Variants in GALNT10 observed in about 807,000 individuals in gnomAD.
The protein encoded by GALNT10 is GalNAc transferase 10.
Under a neutral mutation model 75.0 loss-of-function variants are expected in GALNT10, and 41 were observed. The observed-to-expected ratio is 0.55, with a 90% confidence interval of 0.43 to 0.71. The LOEUF (loss-of-function observed/expected upper bound fraction) is 0.71, where lower values mean the gene tolerates loss of function less well. Ranked by LOEUF, GALNT10 falls within the 30% of genes least tolerant of loss-of-function variation. The pLI, the probability that GALNT10 is intolerant of heterozygous loss-of-function variation, is 0.00. For missense variants in GALNT10, 727 were observed against 818.5 expected (o/e 0.89, Z 1.36); for synonymous variants, 302 against 313.0 (o/e 0.96, Z 0.37).
At position 154,218,767 on chromosome 5, in the gene GALNT10, G is replaced by C. The variant is rs528245537; in HGVS notation, c.159+27742G>C. 2.0e-5 allele frequency among the ~76,000 whole-genome samples: 3 copies of C among 151,630 alleles called. No homozygotes were observed. The East Asian group carries it at 5.8e-4, about 29-fold the overall frequency. On this transcript the variant is annotated intron_variant, in intron 1 of 11. Coordinates refer to ENST00000297107, the MANE Select transcript of GALNT10 (RefSeq NM_198321.4). ...ATGGGAAGAAGTTCCTGTTCTGTAA[G>C]CCCCAAGTTTCTCCAGCAAGGAAAA...
At chr5:154,335,758 T>C (rs1275273518) in intron 4 of GALNT10, among the ~76,000 whole-genome samples, 1 of 152,146 alleles carries the variant, frequency 6.6e-6, no homozygotes, top group Non-Finnish European at 1.5e-5. Context: ...TACAGAGAGT[T>C]CCCCACTGTC....
chr5:154,191,174 A>C lies in GALNT10; in HGVS notation c.159+149A>C, dbSNP rs1467216395. ...TTCCCATTTTCCGGATGGGAAAATT[A>C]AGTCCTGTCGGGACTTGTCCAGGGT... On this transcript the variant is annotated intron_variant, in intron 1 of 11. Coordinates refer to ENST00000297107, the MANE Select transcript of GALNT10 (RefSeq NM_198321.4). The C allele has an allele frequency of 7.2e-6, 4 of 556,162 alleles. No individual in the cohort carries two copies. In the East Asian group the frequency reaches 1.4e-4, roughly 20 times the overall value. 34.5% of individuals were successfully genotyped at this position (556,162 alleles called of 1,614,324 possible). A position where few individuals can be genotyped will look rare whatever the true frequency, so the allele number is the denominator to read the frequency against.
intron 4 of GALNT10, chr5:154,338,147 T>A: frequency 1.2e-6 from 1 of 869,544 alleles, no homozygotes; most frequent in South Asian, 1.3e-5. Flanking sequence ...TCTTTGAGAA[T>A]CGCCTCTTGA....
intron 1 of GALNT10, among the ~76,000 whole-genome samples, chr5:154,206,561 A>C (rs1409678794): frequency 6.6e-6 from 1 of 152,246 alleles, no homozygotes; most frequent in Non-Finnish European, 1.5e-5. Flanking sequence ...GCAGCACCCT[A>C]GTTGTAATCA....
intron 3 of GALNT10, among the ~76,000 whole-genome samples, chr5:154,309,079 A>G (rs766222228): frequency 6.6e-6 from 1 of 152,234 alleles, no homozygotes; most frequent in Non-Finnish European, 1.5e-5. Context: ...AGAAAAAATA[A>G]TAAGAATGGG....
chr5:154,258,920 C>A (rs1235548514), intron 1 of GALNT10, among the ~76,000 whole-genome samples: 1 of 151,968 alleles, frequency 6.6e-6, no homozygotes, highest in Non-Finnish European at 1.5e-5. Flanking sequence ...AAAAAAAACT[C>A]TTAATTTGAA....
At chr5:154,255,125 T>G (rs1226051974) in intron 1 of GALNT10, among the ~76,000 whole-genome samples, 1 of 152,046 alleles carries the variant, frequency 6.6e-6, no homozygotes, top group Non-Finnish European at 1.5e-5. Context: ...GCCCCTTTAT[T>G]ACCTTCTAAT....
At chr5:154,380,388 G>C (rs1755714779) in intron 5 of GALNT10, 60 bp from the exon 6 acceptor site, 1 of 1,300,186 alleles carries the variant, frequency 7.7e-7, no homozygotes, top group African/African-American at 1.4e-5. Flanking sequence ...AGAACAGGAT[G>C]GTGCACTTAG....
intron 1 of GALNT10, among the ~76,000 whole-genome samples, chr5:154,201,261 C>T (rs569366712): frequency 2.0e-4 from 31 of 151,968 alleles, no homozygotes; most frequent in Non-Finnish European, 3.1e-4. Flanking sequence ...ACCAGTATCA[C>T]GGTGGAGGCA....
intron 1 of GALNT10, among the ~76,000 whole-genome samples, chr5:154,230,976 T>C (rs1056284923): frequency 6.6e-6 from 1 of 152,226 alleles, no homozygotes; most frequent in Non-Finnish European, 1.5e-5. Context: ...TGGCAAGGCA[T>C]ACACCAGACA....
chr5:154,213,878 A>G (rs1301663092), intron 1 of GALNT10, among the ~76,000 whole-genome samples: 1 of 152,216 alleles, frequency 6.6e-6, no homozygotes, highest in Non-Finnish European at 1.5e-5. Context: ...CCATGTGCAC[A>G]GCCTGTATTG....
At chr5:154,394,944 G>A (rs1755985617) in intron 7 of GALNT10, among the ~76,000 whole-genome samples, 1 of 152,216 alleles carries the variant, frequency 6.6e-6, no homozygotes, top group African/African-American at 2.4e-5. Flanking sequence ...CCGTCTGCTA[G>A]AAACAGGGAA....
At chr5:154,395,688 C>T (rs986417128) in intron 7 of GALNT10, among the ~76,000 whole-genome samples, 1 of 152,182 alleles carries the variant, frequency 6.6e-6, no homozygotes, top group Non-Finnish European at 1.5e-5. Context: ...ACTTTTATTT[C>T]GCCATCTACA....
intron 4 of GALNT10, among the ~76,000 whole-genome samples, chr5:154,332,282 C>T (rs750799901): frequency 1.2e-4 from 18 of 152,190 alleles, no homozygotes; most frequent in Non-Finnish European, 2.6e-4. Context: ...TCTGAGCAGG[C>T]TCCTTGTTGT....
chr5:154,265,162 T>C (rs963717358), intron 1 of GALNT10, among the ~76,000 whole-genome samples: 2 of 152,220 alleles, frequency 1.3e-5, no homozygotes, highest in African/African-American at 4.8e-5. Context: ...GGAATGGATG[T>C]AGGGAGCCTT....
intron 6 of GALNT10, among the ~76,000 whole-genome samples, chr5:154,385,139 G>T (rs1019613810): frequency 2.0e-5 from 3 of 152,124 alleles, no homozygotes; most frequent in Admixed American, 2.0e-4. Context: ...AGGGGGAATG[G>T]AGGTTGCTGC....
At chr5:154,318,191 T>C (rs1301943962) in intron 3 of GALNT10, among the ~76,000 whole-genome samples, 1 of 152,076 alleles carries the variant, frequency 6.6e-6, no homozygotes, top group East Asian at 1.9e-4. Context: ...CCAAGGAAAA[T>C]CGGGTTGCTG....
chr5:154,416,851 T>G lies in GALNT10; in HGVS notation c.1691T>G (p.Met564Arg). The change falls in exon 12 of 12, where the codon ATG becomes AGG. Residue 564 changes from methionine (M) to arginine (R), a missense_variant. Coordinates refer to ENST00000297107, the MANE Select transcript of GALNT10 (RefSeq NM_198321.4). The surrounding 1 kb of genome is among the most constrained non-coding windows in gnomAD (Gnocchi z 4.5). ...TLYHPVSGSCMDCSESDHRIF... is the reference protein window; with the variant it reads ...TLYHPVSGSCRDCSESDHRIF... ...TACCACCCTGTCAGTGGCAGCTGCA[T>G]GGACTGCAGTGAAAGTGACCATAGG... is the stretch of plus-strand genomic sequence containing the variant. 1 of 1,612,778 alleles carries G rather than the reference T, an allele frequency of 6.2e-7. No individual in the cohort carries two copies. Among genetic ancestry groups the G allele is most frequent in the Non-Finnish European group, 8.5e-7 (1 of 1,178,730 alleles).
At chr5:154,210,228 C>T (rs1437768423) in intron 1 of GALNT10, among the ~76,000 whole-genome samples, 1 of 152,186 alleles carries the variant, frequency 6.6e-6, no homozygotes, top group Non-Finnish European at 1.5e-5. Context: ...CACCTCTGCC[C>T]TCCAACGACT....
Sources: allele counts gnomAD v4.1 joint callset (sites outside exome capture counted in the v4.1 genomes callset), GRCh38; gene constraint gnomAD v4.1.1; non-coding constraint Gnocchi (gnomAD v3.1); transcripts MANE v1.5; gene names NCBI Gene and HGNC (gene_info 2026-07-23, HGNC 2026-07-21).